The following INSR variants were observed in gnomAD, a reference collection of about 807,000 sequenced individuals.
The protein encoded by INSR is insulin receptor.
Under a neutral mutation model 142.6 loss-of-function variants are expected in INSR, and 67 were observed. The observed-to-expected ratio is 0.47, with a 90% CI of 0.39 to 0.58. The LOEUF (loss-of-function observed/expected upper bound fraction) is 0.58. INSR is among the 20% of genes least tolerant of loss of function. INSR has a pLI of 0.00. For synonymous variants in INSR, 756 were observed against 743.1 expected (o/e 1.02, Z -0.28); for missense variants, 1,248 against 1,833.2 (o/e 0.68, Z 5.83).
At chr19:7,188,870 C>CAAA (rs10549803) in intron 2 of INSR, among the ~76,000 whole-genome samples, 14 of 71,828 alleles carry the variant, frequency 1.9e-4, no homozygotes, top group Non-Finnish European at 3.0e-4. Flanking sequence ...GACTCTATCT[C>CAAA]AAAAAAAAAA....
chr19:7,188,419 G>C (rs563506886), intron 2 of INSR, among the ~76,000 whole-genome samples: 1 of 151,332 alleles, frequency 6.6e-6, no homozygotes, highest in Admixed American at 6.6e-5. Context: ...GGTGGTGGGC[G>C]CCTGTAATCC....
At chr19:7,197,089 G>A (rs1416460908) in intron 2 of INSR, among the ~76,000 whole-genome samples, 2 of 152,192 alleles carry the variant, frequency 1.3e-5, no homozygotes. Context: ...CCAAGGAGGT[G>A]AACTTTTGAC....
At chr19:7,142,389 C>CA (rs34453877) in intron 12 of INSR, among the ~76,000 whole-genome samples, 1,818 of 41,360 alleles carry the variant, frequency 0.044, 79 homozygotes, top group African/African-American at 0.11. Context: ...GACTTCATCT[C>CA]AAAAAAAAAA....
At chr19:7,162,510 CAAAA>C (rs34535970) in intron 9 of INSR, among the ~76,000 whole-genome samples, 2 of 118,142 alleles carry the variant, frequency 1.7e-5, no homozygotes, top group Non-Finnish European at 3.6e-5. Flanking sequence ...GACCCTGTCT[CAAAA>C]AAAAAAAAAA....
intron 9 of INSR, among the ~76,000 whole-genome samples, chr19:7,153,272 TCACACACCACAC>T (rs1754358912): frequency 9.8e-6 from 1 of 101,682 alleles, no homozygotes; most frequent in Non-Finnish European, 1.8e-5. Context: ...CATGCACACC[TCACACACCACAC>T]CACACACCGC....
chr19:7,157,243 T>C (rs1973618615), intron 9 of INSR, among the ~76,000 whole-genome samples: 1 of 151,956 alleles, frequency 6.6e-6, no homozygotes, highest in African/African-American at 2.4e-5. Flanking sequence ...CCTCCCAAAG[T>C]GCTGGGATTA....
chr19:7,244,249 T>C (rs1453401652), intron 2 of INSR, among the ~76,000 whole-genome samples: 1 of 152,062 alleles, frequency 6.6e-6, no homozygotes, highest in East Asian at 1.9e-4. Flanking sequence ...TTTGAACAAA[T>C]TGGCTGGGCG....
At position 7,157,317 on chromosome 19, in the gene INSR, G is replaced by A. The variant is rs376926773; in HGVS notation, c.2030-4390C>T. On this transcript the variant is annotated intron_variant, in intron 9 of 21. Transcript: ENST00000302850. ...TTTATTAGAGACGGGGTTTTGCCAT[G>A]TTGGCCAGGCTGGTCTTGATCTCCC... 1.7e-4 allele frequency among the ~76,000 whole-genome samples: 25 copies of A among 151,100 alleles called. No homozygotes were observed. In the East Asian group the frequency reaches 4.7e-3, roughly 28 times the overall value.
At chr19:7,152,561 G>T in intron 10 of INSR, 165 bp downstream of exon 10, 1 of 716,740 alleles carries the variant, frequency 1.4e-6, no homozygotes, top group East Asian at 2.5e-5. Context: ...TCGAAATTTC[G>T]AAACTGCAAG....
intron 2 of INSR, among the ~76,000 whole-genome samples, chr19:7,194,067 C>T (rs941419334): frequency 4.6e-5 from 7 of 152,162 alleles, no homozygotes; most frequent in Non-Finnish European, 8.8e-5. Context: ...TGATTCTACT[C>T]CCAAATATTC....
chr19:7,148,117 T>A (rs948660130), intron 11 of INSR, among the ~76,000 whole-genome samples: 2 of 152,090 alleles, frequency 1.3e-5, no homozygotes, highest in African/African-American at 4.8e-5. Context: ...TTTCGCCATG[T>A]TGCCCAGGCT....
In INSR at chr19:7,134,943, C is replaced by T. The variant is rs543023197; in HGVS notation, c.2683-2626G>A. ...AGAACTTATGAGAAGAGACAGGAGG[C>T]TCTTGGGAATAAGACCATGAAACCT... On this transcript the variant is annotated intron_variant, in intron 13 of 21. Transcript: ENST00000302850. Among the ~76,000 whole-genome samples, 9 of 148,072 alleles carry T rather than the reference C, an allele frequency of 6.1e-5. No homozygotes were observed. In the East Asian group the frequency reaches 1.8e-3, roughly 29 times the overall value.
chr19:7,153,279 C>A (rs1973471397), intron 9 of INSR, among the ~76,000 whole-genome samples: 1 of 144,106 alleles, frequency 6.9e-6, no homozygotes, highest in East Asian at 2.3e-4. Flanking sequence ...ACCTCACACA[C>A]CACACCACAC....
chr19:7,114,487 G>A lies in INSR; in HGVS notation c.*2569C>T, dbSNP rs1466824488. ...ACCAGCCAGGAAGAAAAGGATCTAT[G>A]CTCGCATAAAGGCCATACCTTCTCC... On this transcript the variant is annotated 3_prime_UTR_variant, in exon 22 of 22. Coordinates refer to ENST00000302850, the MANE Select transcript of INSR (RefSeq NM_000208.4). The A allele has an allele frequency of 6.6e-6, 1 of 152,314 alleles. No homozygotes were observed. The highest frequency in any genetic ancestry group is 6.5e-5 in the Admixed American group (1 of 15,272). 9.4% of individuals were successfully genotyped at this position (152,314 alleles called of 1,614,324 possible). A position where few individuals can be genotyped will look rare whatever the true frequency, so the allele number is the denominator to read the frequency against.
intron 2 of INSR, among the ~76,000 whole-genome samples, chr19:7,206,499 C>T (rs1385708993): frequency 6.6e-6 from 1 of 152,222 alleles, no homozygotes; most frequent in Non-Finnish European, 1.5e-5. Context: ...GCATGACCAT[C>T]TGAGCTGCGC....
Position 7,192,389 on chromosome 19 carries a change from G to A in INSR, c.653-7752C>T, listed in dbSNP as rs561252977. 6.6e-6 allele frequency among the ~76,000 whole-genome samples: 1 copy of A among 152,266 alleles called. No individual in the cohort carries two copies. The highest frequency in any genetic ancestry group is 2.1e-4 in the South Asian group (1 of 4,822). ...ACAAAACAGCAGCTTCTTCTGGTGA[G>A]AGAGACCGCAAAGTGAAGACATTAT... On this transcript the variant is annotated intron_variant, in intron 2 of 21. Coordinates refer to ENST00000302850, the MANE Select transcript of INSR (RefSeq NM_000208.4). This position sits in a 1 kb window ranked among gnomAD's most constrained non-coding sequence, Gnocchi z 4.2.
chr19:7,131,654 C>T (rs1972783928), intron 14 of INSR, among the ~76,000 whole-genome samples: 1 of 145,032 alleles, frequency 6.9e-6, no homozygotes, highest in Admixed American at 6.9e-5. Flanking sequence ...CCACAATTTA[C>T]TTATATAATG....
chr19:7,224,341 T>A (rs1019727289), intron 2 of INSR, among the ~76,000 whole-genome samples: 1 of 151,422 alleles, frequency 6.6e-6, no homozygotes, highest in African/African-American at 2.4e-5. Flanking sequence ...CCTCAAGCCC[T>A]GACACCAAGC....
intron 2 of INSR, among the ~76,000 whole-genome samples, chr19:7,202,690 G>A (rs1172521060): frequency 2.6e-5 from 4 of 152,012 alleles, no homozygotes; most frequent in Non-Finnish European, 4.4e-5. Flanking sequence ...TAGTAGAGAC[G>A]GGGTTTCACC....
Sources: gnomAD v4.1 joint callset for allele counts (sites outside exome capture counted in the v4.1 genomes callset) on GRCh38, gnomAD v4.1.1 for gene constraint, Gnocchi (gnomAD v3.1) non-coding constraint, MANE v1.5 for transcripts, NCBI Gene and HGNC (gene_info 2026-07-23, HGNC 2026-07-21) for gene names.